Variants in RAB10 observed in about 807,000 individuals in gnomAD.
RAB10 encodes the protein RAB10, member RAS oncogene family, also known as ras-related protein Rab-10.
RAB10 carries 5 observed loss-of-function variants against 25.7 expected under a neutral mutation model. The ratio of observed to expected loss-of-function variants is 0.19; its 90% CI spans 0.10 to 0.41. RAB10 has a LOEUF of 0.41. RAB10 is among the 10% of genes least tolerant of loss of function. The pLI is 1.00. For missense variants in RAB10, 103 were observed against 245.8 expected, an observed-to-expected ratio of 0.42 and a Z score of 3.89; for synonymous variants, 89 against 86.4, an observed-to-expected ratio of 1.03 and a Z score of -0.16.
chr2:26,061,558 A>T (rs1666395009), intron 1 of RAB10, among the ~76,000 whole-genome samples: 1 of 151,810 alleles, frequency 6.6e-6, no homozygotes, highest in Non-Finnish European at 1.5e-5. Flanking sequence ...TAATTAAAAA[A>T]AATTTTTTTT....
chr2:26,039,621 T>C (rs1665840930), intron 1 of RAB10, among the ~76,000 whole-genome samples: 2 of 152,208 alleles, frequency 1.3e-5, no homozygotes, highest in East Asian at 1.9e-4. Flanking sequence ...AGTTCTGGGA[T>C]TACAGACGTG....
At chr2:26,105,486 C>T (rs1667448726) in intron 2 of RAB10, among the ~76,000 whole-genome samples, 1 of 151,958 alleles carries the variant, frequency 6.6e-6, no homozygotes, top group African/African-American at 2.4e-5. Context: ...GAAACCCCAT[C>T]TCTACTAAAA....
chr2:26,076,956 A>C (rs886209405), intron 1 of RAB10, among the ~76,000 whole-genome samples: 1 of 151,892 alleles, frequency 6.6e-6, no homozygotes, highest in Admixed American at 6.6e-5. Flanking sequence ...AGAAAAAAAA[A>C]AAAACAGAAA....
At chr2:26,080,751 T>C (rs1666851641) in intron 1 of RAB10, among the ~76,000 whole-genome samples, 1 of 152,164 alleles carries the variant, frequency 6.6e-6, no homozygotes, top group Admixed American at 6.5e-5. Flanking sequence ...TCTTAACTCC[T>C]GGCCTCCCAA....
intron 1 of RAB10, among the ~76,000 whole-genome samples, chr2:26,090,519 T>TTCTATATGTCACTTTCTC (rs1667078991): frequency 6.6e-6 from 1 of 152,030 alleles, no homozygotes; most frequent in African/African-American, 2.4e-5. Flanking sequence ...TTTTATTATT[T>TTCTATATGTCACTTTCTC]TCTATATGTC....
At chr2:26,112,556 G>A (rs1046141392) in intron 3 of RAB10, among the ~76,000 whole-genome samples, 2 of 152,144 alleles carry the variant, frequency 1.3e-5, no homozygotes, top group Admixed American at 6.6e-5. Context: ...ATGGTAGACT[G>A]GATGGTTTGT....
intron 2 of RAB10, among the ~76,000 whole-genome samples, chr2:26,106,552 C>G (rs1667466285): frequency 6.6e-6 from 1 of 152,146 alleles, no homozygotes; most frequent in Non-Finnish European, 1.5e-5. Context: ...ATAGAAATGT[C>G]CTATTTGAAA....
At chr2:26,066,517 A>G (rs914711961) in intron 1 of RAB10, among the ~76,000 whole-genome samples, 6 of 152,310 alleles carry the variant, frequency 3.9e-5, no homozygotes, top group Non-Finnish European at 7.4e-5. Context: ...ATTGACTCAC[A>G]GTTCCTCATG....
chr2:26,054,013 CTT>C (rs79698583), intron 1 of RAB10, among the ~76,000 whole-genome samples: 2 of 104,990 alleles, frequency 1.9e-5, no homozygotes, highest in Admixed American at 9.4e-5. Context: ...CTTTTTCTTT[CTT>C]TTTTTTTTTT....
intron 1 of RAB10, among the ~76,000 whole-genome samples, chr2:26,069,483 T>C (rs1179114922): frequency 6.6e-6 from 1 of 151,888 alleles, no homozygotes; most frequent in African/African-American, 2.4e-5. Context: ...CTGGCCAATG[T>C]GGTGAAACCC....
intron 1 of RAB10, among the ~76,000 whole-genome samples, chr2:26,073,017 C>T (rs1453953302): frequency 1.3e-5 from 2 of 152,082 alleles, no homozygotes; most frequent in African/African-American, 4.8e-5. Context: ...CATTGGTGTA[C>T]TTCTTTCATT....
At chr2:26,103,890 CTG>C (rs1574553683) in intron 2 of RAB10, among the ~76,000 whole-genome samples, 1 of 151,828 alleles carries the variant, frequency 6.6e-6, no homozygotes, top group African/African-American at 2.4e-5. Flanking sequence ...CAGGGTCTGT[CTG>C]TGTTGTACAT....
chr2:26,060,906 G>GAA (rs1185491849), intron 1 of RAB10, among the ~76,000 whole-genome samples: 3 of 151,804 alleles, frequency 2.0e-5, no homozygotes, highest in African/African-American at 7.3e-5. Context: ...TTTGCTACTT[G>GAA]AAAAAAACTT....
At chr2:26,132,032 A>C (rs1574566280) in intron 5 of RAB10, among the ~76,000 whole-genome samples, 1 of 152,242 alleles carries the variant, frequency 6.6e-6, no homozygotes, top group East Asian at 1.9e-4. Context: ...AACTGGCCAA[A>C]GAGCGTACAT....
At chr2:26,111,722 G>T (rs1033857562) in intron 3 of RAB10, among the ~76,000 whole-genome samples, 19 of 152,128 alleles carry the variant, frequency 1.2e-4, no homozygotes, top group Admixed American at 1.2e-3. Flanking sequence ...AGATTCTGCA[G>T]TGTGTTTCCA....
chr2:26,057,716 G>T (rs1666298830), intron 1 of RAB10, among the ~76,000 whole-genome samples: 2 of 151,602 alleles, frequency 1.3e-5, no homozygotes, highest in African/African-American at 4.8e-5. Context: ...TTCATCTCCC[G>T]AGTTCAAGTG....
At chr2:26,117,848 G>A (rs553871389) in intron 3 of RAB10, among the ~76,000 whole-genome samples, 1 of 152,038 alleles carries the variant, frequency 6.6e-6, no homozygotes, top group Non-Finnish European at 1.5e-5. Context: ...GGGTAACTGG[G>A]GAACATAACT....
At chr2:26,041,356 C>G (rs571212816) in intron 1 of RAB10, among the ~76,000 whole-genome samples, 1 of 151,574 alleles carries the variant, frequency 6.6e-6, no homozygotes, top group Non-Finnish European at 1.5e-5. Context: ...GCCTGGCCAA[C>G]ATGGTGAAAC....
chr2:26,116,547 T>G (rs1005084331), intron 3 of RAB10, among the ~76,000 whole-genome samples: 1 of 109,540 alleles, frequency 9.1e-6, no homozygotes, highest in Non-Finnish European at 1.7e-5. Context: ...TTCTGTCTTG[T>G]GTTTTTTTTT....
Sources: gnomAD v4.1 joint callset for allele counts (sites outside exome capture counted in the v4.1 genomes callset) on GRCh38, gnomAD v4.1.1 for gene constraint, MANE v1.5 for transcripts, NCBI Gene and HGNC (gene_info 2026-07-23, HGNC 2026-07-21) for gene names.